Variants in SLC25A48 observed in about 807,000 individuals in gnomAD.
SLC25A48 encodes solute carrier family 25 member 48.
A neutral mutation model predicts 32.2 loss-of-function variants in SLC25A48; 29 were observed. The observed-to-expected ratio is 0.90, with a 90% CI of 0.67 to 1.23. The LOEUF is 1.23. SLC25A48 is among the 50% of genes most tolerant of loss of function. The pLI is 0.00. For missense variants in SLC25A48, 399 were observed against 422.7 expected, an observed-to-expected ratio of 0.94 and a Z score of 0.49; for synonymous variants, 164 against 172.3, an observed-to-expected ratio of 0.95 and a Z score of 0.38.
At chr5:135,822,544 A>G (rs554422423) in intron 4 of SLC25A48, among the ~76,000 whole-genome samples, 4 of 152,222 alleles carry the variant, frequency 2.6e-5, no homozygotes, top group East Asian at 1.9e-4. Flanking sequence ...CCATCATCAC[A>G]TGACATTCTA....
At chr5:135,592,316 G>A (rs1273153454) in intron 1 of SLC25A48, among the ~76,000 whole-genome samples, 2 of 152,170 alleles carry the variant, frequency 1.3e-5, no homozygotes, top group Non-Finnish European at 2.9e-5. Flanking sequence ...TGGCCTATCA[G>A]GAACAGGTGT....
At chr5:135,632,810 C>T (rs953672098) in intron 2 of SLC25A48, among the ~76,000 whole-genome samples, 1 of 152,164 alleles carries the variant, frequency 6.6e-6, no homozygotes, top group East Asian at 1.9e-4. Flanking sequence ...AGCAGTGGCT[C>T]TCATGCAGTC....
At chr5:135,763,133 CAA>C (rs913839060) in intron 3 of SLC25A48, among the ~76,000 whole-genome samples, 5 of 152,046 alleles carry the variant, frequency 3.3e-5, no homozygotes, top group African/African-American at 1.2e-4. Flanking sequence ...AGTTGAAACA[CAA>C]ACCCTGACCG....
In SLC25A48 at chr5:135,850,139, G is replaced by A. The variant is rs114523572; in HGVS notation, c.91-286G>A. 7.1e-3 allele frequency among the ~76,000 whole-genome samples: 1,081 copies of A among 152,296 alleles called. 14 individuals carry two copies. Among genetic ancestry groups the A allele is most frequent in the African/African-American group, 0.025 (1,057 of 41,558 alleles). On this transcript the variant is annotated intron_variant, in intron 2 of 7. Coordinates refer to ENST00000681962, the MANE Select transcript of SLC25A48 (RefSeq NM_001349336.2). ...GCAGATAGGGTAGAGTCCCAGTTTA[G>A]GTTTTTGTACTCAAGAGGTGGGGAT...
Position 135,625,852 on chromosome 5 carries a change from C to A in SLC25A48, c.-848-3385C>A, listed in dbSNP as rs73789301. ...GACCCTCAGAGTCCCACTGGGTCAA[C>A]CTTCACATCCTGGTAAGGGGCAGGA... On this transcript the variant is annotated intron_variant, in intron 1 of 10. Coordinates refer to the SLC25A48 transcript ENST00000646290. Among the ~76,000 whole-genome samples the A allele has an allele frequency of 9.2e-3, 1,408 of 152,264 alleles. 24 individuals are homozygous for A. Among genetic ancestry groups the A allele is most frequent in the African/African-American group, 0.032 (1,336 of 41,526 alleles).
intron 1 of SLC25A48, among the ~76,000 whole-genome samples, chr5:135,838,257 G>A (rs1171442329): frequency 3.3e-5 from 5 of 152,208 alleles, no homozygotes; most frequent in Admixed American, 6.5e-5. Context: ...AAGCAGCAAA[G>A]CATTCAAGAT....
At chr5:135,874,812 C>G (rs547627052) in intron 6 of SLC25A48, 1 of 596,400 alleles carries the variant, frequency 1.7e-6, no homozygotes, top group Admixed American at 2.8e-5. Flanking sequence ...CAAGGTAATA[C>G]ACAGATTCAT....
At chr5:135,712,481 A>C (rs748390561) in intron 3 of SLC25A48, among the ~76,000 whole-genome samples, 1 of 152,232 alleles carries the variant, frequency 6.6e-6, no homozygotes, top group Non-Finnish European at 1.5e-5. Flanking sequence ...TGAGAAACAA[A>C]TACAAGAGAC....
At chr5:135,653,919 G>C (rs1219951054) in intron 3 of SLC25A48, 9 of 456,108 alleles carry the variant, frequency 2.0e-5, no homozygotes, top group Non-Finnish European at 4.0e-5. Context: ...GTTCTCATAG[G>C]GAATGTTGTT....
At chr5:135,635,868 C>T (rs530229152) in intron 3 of SLC25A48, among the ~76,000 whole-genome samples, 94 of 152,302 alleles carry the variant, frequency 6.2e-4, no homozygotes, top group Middle Eastern at 6.8e-3. Flanking sequence ...TTCCAGTCAT[C>T]GTTCCTTCTG....
At chr5:135,759,378 AC>A (rs1301424261) in intron 3 of SLC25A48, among the ~76,000 whole-genome samples, 1 of 152,144 alleles carries the variant, frequency 6.6e-6, no homozygotes, top group African/African-American at 2.4e-5. Context: ...TATTTATTTG[AC>A]CATTCTCTAT....
At chr5:135,683,050 T>A (rs185037750) in intron 3 of SLC25A48, among the ~76,000 whole-genome samples, 3 of 152,206 alleles carry the variant, frequency 2.0e-5, no homozygotes, top group Non-Finnish European at 4.4e-5. Context: ...GAGAAGCCTC[T>A]GGAGGGTGGA....
intron 1 of SLC25A48, among the ~76,000 whole-genome samples, chr5:135,597,342 G>A (rs1580710720): frequency 6.6e-6 from 1 of 152,196 alleles, no homozygotes; most frequent in African/African-American, 2.4e-5. Context: ...GGGCCTCTGG[G>A]AAGGTTCCCA....
intron 3 of SLC25A48, among the ~76,000 whole-genome samples, chr5:135,736,992 G>A (rs563469986): frequency 2.0e-5 from 3 of 152,302 alleles, no homozygotes; most frequent in East Asian, 1.9e-4. Context: ...CTGAGGACCC[G>A]AGGTCGTAGG....
intron 3 of SLC25A48, among the ~76,000 whole-genome samples, chr5:135,698,439 A>T (rs539606241): frequency 2.1e-3 from 322 of 152,350 alleles, no homozygotes; most frequent in African/African-American, 7.4e-3. Flanking sequence ...CTTAGAACTG[A>T]TACTATCTTC....
intron 3 of SLC25A48, among the ~76,000 whole-genome samples, chr5:135,795,768 T>TA (rs559687820): frequency 2.3e-4 from 34 of 150,658 alleles, no homozygotes; most frequent in African/African-American, 6.4e-4. Flanking sequence ...GTGACTGCTC[T>TA]CCATATCACT....
rs1269655465 is a variant in SLC25A48 at position 135,629,559 on chromosome 5, T to C, written c.-709+183T>C. 6.6e-6 allele frequency among the ~76,000 whole-genome samples: 1 copy of C among 151,932 alleles called. No homozygotes were observed. The highest frequency in any genetic ancestry group is 1.5e-5 in the Non-Finnish European group (1 of 67,980). On this transcript the variant is annotated intron_variant, in intron 2 of 10. Coordinates refer to the SLC25A48 transcript ENST00000646290. This position sits in a 1 kb window ranked among gnomAD's most constrained non-coding sequence, Gnocchi z 4.8. ...GAGACCCTGGGAGGTGGGGGTGGAA[T>C]GTGGAGTGAGGAAGTAAGAGATGGA...
intron 3 of SLC25A48, among the ~76,000 whole-genome samples, chr5:135,642,923 T>C (rs1306867401): frequency 1.3e-5 from 2 of 152,206 alleles, no homozygotes; most frequent in Admixed American, 6.5e-5. Context: ...ACATCACTTA[T>C]GGCTTCTGCA....
chr5:135,793,801 T>A (rs867036473), intron 3 of SLC25A48, among the ~76,000 whole-genome samples: 1 of 151,854 alleles, frequency 6.6e-6, no homozygotes, highest in South Asian at 2.1e-4. Flanking sequence ...ACTCTCCTAA[T>A]ATCACAGTAG....
Sources: allele counts gnomAD v4.1 joint callset (sites outside exome capture counted in the v4.1 genomes callset), GRCh38; gene constraint gnomAD v4.1.1; non-coding constraint Gnocchi (gnomAD v3.1); transcripts MANE v1.5; gene names NCBI Gene and HGNC (gene_info 2026-07-23, HGNC 2026-07-21).